Variants in MYT1 observed in about 807,000 individuals in gnomAD.
The protein encoded by MYT1 is myelin transcription factor I.
In MYT1, 23 loss-of-function variants were observed where a neutral mutation model predicts 123.0. That is an observed-to-expected ratio of 0.19 (90% CI 0.13 to 0.26). The LOEUF (loss-of-function observed/expected upper bound fraction) is 0.26, where lower values mean the gene tolerates loss of function less well. Among genes scored for constraint, MYT1 ranks in the 10% least tolerant of loss-of-function variants. The pLI is 1.00. For missense variants in MYT1, 1,125 were observed against 1,472.5 expected (o/e 0.76, Z 3.86); for synonymous variants, 518 against 575.3 (o/e 0.90, Z 1.43).
chr20:64,211,413 A>T lies in MYT1; in HGVS notation c.1426+73A>T, dbSNP rs1042890506. The T allele has an allele frequency of 2.0e-6, 3 of 1,512,650 alleles. No individual in the cohort carries two copies. The African/African-American group carries it at 4.1e-5, about 21-fold the overall frequency. The allele number at this position is 1,512,650 out of a possible 1,614,324, so 93.7% of individuals were successfully genotyped here. A position where few individuals can be genotyped will look rare whatever the true frequency, so the allele number is the denominator to read the frequency against. On this transcript the variant is annotated intron_variant, in intron 8 of 22. Transcript: ENST00000328439. ...CCTCTGTGGTGTTTGGGTGGTGTCT[A>T]TGGGGAGGCGTGGCCTGCCCAGGGC...
At chr20:64,197,208 C>T (rs1465541808) in intron 2 of MYT1, among the ~76,000 whole-genome samples, 2 of 152,220 alleles carry the variant, frequency 1.3e-5, no homozygotes, top group Non-Finnish European at 2.9e-5. Flanking sequence ...ATAAATTACC[C>T]AGGTTTTGAT....
intron 2 of MYT1, among the ~76,000 whole-genome samples, chr20:64,195,937 C>T (rs1983105632): frequency 6.6e-6 from 1 of 152,110 alleles, no homozygotes; most frequent in Non-Finnish European, 1.5e-5. Flanking sequence ...CTATCGAAGG[C>T]AGAACTATTG....
In MYT1 at chr20:64,232,944, C is replaced by T. The variant is rs1169859351; in HGVS notation, c.2897+559C>T. Among the ~76,000 whole-genome samples the T allele has an allele frequency of 6.6e-6, 1 of 151,912 alleles. No homozygotes were observed. Among genetic ancestry groups the T allele is most frequent in the Non-Finnish European group, 1.5e-5 (1 of 67,932 alleles). ...CAGCATTCACCAACTCTCGCCTGCC[C>T]TCCAACACCTGCTCCAGAGCCGAAG... On this transcript the variant is annotated intron_variant, in intron 19 of 22. Transcript: ENST00000328439. This position sits in a 1 kb window ranked among gnomAD's most constrained non-coding sequence, Gnocchi z 6.9.
chr20:64,213,610 C>A lies in MYT1; in HGVS notation c.1594C>A (p.Pro532Thr). ...GAAGCAGCAGCCGCAGACAGGAGATCCTTCCAAGAGTAGCTCCAATTCCGA... is the reference window on the plus strand; with the variant it reads ...GAAGCAGCAGCCGCAGACAGGAGATACTTCCAAGAGTAGCTCCAATTCCGA... Reference protein sequence around the residue: ...HEKQQPQTGDPSKSSSNSDRI... With the variant: ...HEKQQPQTGDTSKSSSNSDRI... The change falls in exon 10 of 23, where the codon CCT (proline) becomes ACT (threonine). Residue 532 changes from proline (P) to threonine (T), a missense_variant. Physicochemically the swap from Pro to Thr is conservative, Grantham distance 38. Coordinates refer to ENST00000328439, the MANE Select transcript of MYT1 (RefSeq NM_004535.3). This position sits in a 1 kb window ranked among gnomAD's most constrained non-coding sequence, Gnocchi z 5.6. 3 of 1,614,134 alleles carry A rather than the reference C, an allele frequency of 1.9e-6. No individual in the cohort carries two copies. The highest frequency in any genetic ancestry group is 2.5e-6 in the Non-Finnish European group (3 of 1,180,002).
chr20:64,204,941 G>A, intron 4 of MYT1, 94 bp from the exon 5 acceptor site: 10 of 1,295,712 alleles, frequency 7.7e-6, no homozygotes, highest in East Asian at 2.3e-5. Flanking sequence ...TGAATCGTCT[G>A]GAGACATTCT....
Position 64,232,403 on chromosome 20 carries a change from T to G in MYT1, c.2897+18T>G. 6.2e-7 allele frequency: 1 copy of G among 1,611,514 alleles called. No individual in the cohort carries two copies. The highest frequency in any genetic ancestry group is 1.7e-5 in the Admixed American group (1 of 60,004). On this transcript the variant is annotated intron_variant, in intron 19 of 22. Transcript: ENST00000328439. The surrounding 1 kb of genome is among the most constrained non-coding windows in gnomAD (Gnocchi z 6.9). ...CACCGGAGGTAACTGTGCCTGCAGG[T>G]CCTGCCCCTCTGTGCAGTCAGTAGG...
At chr20:64,187,379 G>C (rs958509504) in intron 1 of MYT1, among the ~76,000 whole-genome samples, 2 of 151,270 alleles carry the variant, frequency 1.3e-5, no homozygotes, top group African/African-American at 4.9e-5. Context: ...TTTCCGTGGA[G>C]AGTTTTCCTG....
Position 64,218,772 on chromosome 20 carries a change from C to A in MYT1, c.1847-139C>A. The A allele has an allele frequency of 2.8e-6, 3 of 1,089,888 alleles. No individual in the cohort carries two copies. Among genetic ancestry groups the A allele is most frequent in the East Asian group, 2.5e-5 (1 of 39,220 alleles). 67.5% of individuals were successfully genotyped at this position (1,089,888 alleles called of 1,614,324 possible). ...AAGTGCCCCCTCCCCACTGACTTGT[C>A]TGCATTGCTGCCTCTTTTCAAGTTG... On this transcript the variant is annotated intron_variant, in intron 11 of 22. Transcript: ENST00000328439. The surrounding 1 kb of genome is among the most constrained non-coding windows in gnomAD (Gnocchi z 4.0).
chr20:64,219,559 G>C (rs555515036), intron 12 of MYT1, among the ~76,000 whole-genome samples, 154 bp from the exon 13 acceptor site: 1 of 152,172 alleles, frequency 6.6e-6, no homozygotes, highest in Non-Finnish European at 1.5e-5. Flanking sequence ...ATGGCAGCTG[G>C]ATTTTTTCCC....
chr20:64,231,771 C>T lies in MYT1; in HGVS notation c.2676-393C>T, dbSNP rs1984328044. On this transcript the variant is annotated intron_variant, in intron 18 of 22. Transcript: ENST00000328439. The surrounding 1 kb of genome is among the most constrained non-coding windows in gnomAD (Gnocchi z 6.4). ...TTGATGCAAGCTCCCAGGGAGTGGC[C>T]TCTAGGTGGTCTCAGCTGACAACAT... is the stretch of plus-strand genomic sequence containing the variant. Among the ~76,000 whole-genome samples, 2 of 152,124 alleles carry T rather than the reference C, an allele frequency of 1.3e-5. No homozygotes were observed. Among genetic ancestry groups the T allele is most frequent in the Non-Finnish European group, 2.9e-5 (2 of 68,006 alleles).
In MYT1 at chr20:64,189,866, A is replaced by G. The variant is rs1381424748; in HGVS notation, c.-98-197A>G. Among the ~76,000 whole-genome samples, 1 of 152,138 alleles carries G rather than the reference A, an allele frequency of 6.6e-6. No homozygotes were observed. On this transcript the variant is annotated intron_variant, in intron 1 of 22. Coordinates refer to ENST00000328439, the MANE Select transcript of MYT1 (RefSeq NM_004535.3). The surrounding 1 kb of genome is among the most constrained non-coding windows in gnomAD (Gnocchi z 5.5). ...AGACTCCAGGGAGGCCCCAAGTCAGAGAGAAATTGTCTCTTGTTCCTGAAG... is the reference window on the plus strand; with the variant it reads ...AGACTCCAGGGAGGCCCCAAGTCAGGGAGAAATTGTCTCTTGTTCCTGAAG...
intron 19 of MYT1, among the ~76,000 whole-genome samples, chr20:64,233,152 T>TAA (rs1304313481): frequency 8.5e-6 from 1 of 117,626 alleles, no homozygotes; most frequent in East Asian, 2.8e-4. Context: ...CTCTTCTCCC[T>TAA]CCCTTCCTCC....
At chr20:64,182,593 A>G (rs1260974877) in intron 1 of MYT1, among the ~76,000 whole-genome samples, 1 of 152,208 alleles carries the variant, frequency 6.6e-6, no homozygotes, top group Non-Finnish European at 1.5e-5. Context: ...AGTGGACCCA[A>G]GAGCTCTCAC....
intron 16 of MYT1, among the ~76,000 whole-genome samples, chr20:64,226,779 C>T (rs898470119): frequency 2.6e-5 from 4 of 152,248 alleles, no homozygotes; most frequent in African/African-American, 7.2e-5. Flanking sequence ...TTTTGTGTTT[C>T]TCCTCCTTAC....
chr20:64,218,940 G>C lies in MYT1; in HGVS notation c.1876G>C (p.Ala626Pro). Residue 626 changes from alanine to proline, a missense_variant, in exon 12 of 23, where the codon GCA becomes CCA. Ala to Pro is a conservative substitution (Grantham distance 27, BLOSUM62 -1). Transcript: ENST00000328439. This position sits in a 1 kb window ranked among gnomAD's most constrained non-coding sequence, Gnocchi z 4.0. ...CFDYSQDAEA[A>P]HMAATAILNL... ...TGACTACTCGCAGGACGCCGAGGCT[G>C]CACACATGGCTGCCACTGCCATCCT... 1 of 1,613,680 alleles carries C rather than the reference G, an allele frequency of 6.2e-7. No homozygotes were observed. The highest frequency in any genetic ancestry group is 8.5e-7 in the Non-Finnish European group (1 of 1,180,044).
chr20:64,168,750 G>A lies in MYT1; in HGVS notation c.-99+4011G>A, dbSNP rs757906606. ...GGGTTTATTTGGGACTGTGGCCTGG[G>A]AGCACGGCCTGTGCCAGGAGGGTGC... On this transcript the variant is annotated intron_variant, in intron 1 of 22. Transcript: ENST00000328439. The surrounding 1 kb of genome is among the most constrained non-coding windows in gnomAD (Gnocchi z 6.1). 2.6e-5 allele frequency among the ~76,000 whole-genome samples: 4 copies of A among 152,238 alleles called. No homozygotes were observed. Among genetic ancestry groups the A allele is most frequent in the Non-Finnish European group, 5.9e-5 (4 of 68,042 alleles).
intron 18 of MYT1, among the ~76,000 whole-genome samples, chr20:64,230,667 A>G (rs935400252): frequency 1.3e-5 from 2 of 152,168 alleles, no homozygotes; most frequent in Non-Finnish European, 2.9e-5. Flanking sequence ...GGCCATCCCC[A>G]TCAGAGGGGG....
At chr20:64,235,822 ACTGGGCTGGCTG>A (rs1984513397) in intron 19 of MYT1, among the ~76,000 whole-genome samples, 1 of 19,104 alleles carries the variant, frequency 5.2e-5, no homozygotes, top group African/African-American at 3.9e-4. Context: ...GGTGGGTGAC[ACTGGGCTGGCTG>A]TGGTGGGTGA....
At chr20:64,181,049 G>A (rs191493861) in intron 1 of MYT1, among the ~76,000 whole-genome samples, 2 of 152,166 alleles carry the variant, frequency 1.3e-5, no homozygotes, top group African/African-American at 2.4e-5. Flanking sequence ...TTGGGAAGAG[G>A]CTTTCTCTAC....
Sources: gnomAD v4.1 joint callset for allele counts (sites outside exome capture counted in the v4.1 genomes callset) on GRCh38, gnomAD v4.1.1 for gene constraint, Gnocchi (gnomAD v3.1) non-coding constraint, MANE v1.5 for transcripts, NCBI Gene and HGNC (gene_info 2026-07-23, HGNC 2026-07-21) for gene names.